Variants in AGR2 observed in about 807,000 individuals in gnomAD.
The protein encoded by AGR2 is anterior gradient protein 2 homolog.
Under a neutral mutation model 25.9 loss-of-function variants are expected in AGR2, and 27 were observed. The ratio of observed to expected loss-of-function variants is 1.04; its 90% CI spans 0.77 to 1.44. AGR2 has a LOEUF of 1.44. Among genes scored for constraint, AGR2 ranks in the 40% most tolerant of loss-of-function variants. The pLI is 0.00. For synonymous variants in AGR2, 78 were observed against 72.0 expected, an observed-to-expected ratio of 1.08 and a Z score of -0.42; for missense variants, 182 against 200.9, an observed-to-expected ratio of 0.91 and a Z score of 0.57.
At chr7:16,793,001 T>C (rs1279527448) in intron 7 of AGR2, 44 bp from the exon 8 acceptor site, 1 of 1,566,098 alleles carries the variant, frequency 6.4e-7, no homozygotes, top group Non-Finnish European at 8.8e-7. Flanking sequence ...CCATCGTGCG[T>C]TATATCGATA....
intron 6 of AGR2, among the ~76,000 whole-genome samples, chr7:16,796,134 C>G (rs925723712): frequency 2.0e-5 from 3 of 152,236 alleles, no homozygotes; most frequent in East Asian, 3.9e-4. Flanking sequence ...TGAGGTGTGG[C>G]CTGGGCAACT....
chr7:16,803,848 A>G (rs1162015645), intron 1 of AGR2, among the ~76,000 whole-genome samples: 2 of 152,242 alleles, frequency 1.3e-5, no homozygotes, highest in African/African-American at 4.8e-5. Flanking sequence ...TGGCTGGTTC[A>G]GAAACATATG....
At chr7:16,803,706 T>C (rs1406369154) in intron 1 of AGR2, among the ~76,000 whole-genome samples, 1 of 152,236 alleles carries the variant, frequency 6.6e-6, no homozygotes, top group Non-Finnish European at 1.5e-5. Context: ...TTTTGTCTTC[T>C]AGAGTTTTGC....
chr7:16,795,450 G>A (rs918941138), intron 6 of AGR2, among the ~76,000 whole-genome samples: 3 of 148,530 alleles, frequency 2.0e-5, no homozygotes, highest in Non-Finnish European at 3.0e-5. Flanking sequence ...TTTTCAAAAC[G>A]AGTTTTTTAA....
chr7:16,804,039 G>A (rs563764346), intron 1 of AGR2, among the ~76,000 whole-genome samples: 4 of 152,106 alleles, frequency 2.6e-5, no homozygotes, highest in African/African-American at 9.7e-5. Context: ...AAAGATCACA[G>A]GTTGGAACTA....
Position 16,792,743 on chromosome 7 carries a change from C to T in AGR2, c.*165G>A, listed in dbSNP as rs759351939. 1.5e-6 allele frequency: 1 copy of T among 669,254 alleles called. No homozygotes were observed. Among genetic ancestry groups the T allele is most frequent in the Non-Finnish European group, 2.6e-6 (1 of 384,984 alleles). 41.5% of individuals were successfully genotyped at this position (669,254 alleles called of 1,614,324 possible). On this transcript the variant is annotated 3_prime_UTR_variant, in exon 8 of 8. Coordinates refer to ENST00000419304, the MANE Select transcript of AGR2 (RefSeq NM_006408.4). ...TGTTTTCACACATGTACACTTGAAA[C>T]CAAATTTCTAAAACTTGTTTTTCTT...
intron 5 of AGR2, 64 bp downstream of exon 5, chr7:16,799,680 T>C: frequency 8.2e-7 from 1 of 1,215,266 alleles, no homozygotes; most frequent in Middle Eastern, 2.0e-4. Context: ...ATAGGAAAAA[T>C]GAATCATCCA....
intron 4 of AGR2, among the ~76,000 whole-genome samples, chr7:16,800,067 G>A (rs1785115663): frequency 6.6e-6 from 1 of 152,142 alleles, no homozygotes; most frequent in Non-Finnish European, 1.5e-5. Context: ...TTGAATGGCT[G>A]CCATGTGTTA....
chr7:16,793,328 C>T (rs780426057), intron 7 of AGR2, among the ~76,000 whole-genome samples: 9 of 152,116 alleles, frequency 5.9e-5, no homozygotes, highest in South Asian at 2.1e-4. Context: ...GGATTACAGG[C>T]GTGAGCCACT....
chr7:16,799,073 A>G (rs1418760111), intron 5 of AGR2, among the ~76,000 whole-genome samples: 1 of 152,186 alleles, frequency 6.6e-6, no homozygotes, highest in African/African-American at 2.4e-5. Context: ...GAGATTCATC[A>G]TGTCACTCAC....
Position 16,801,648 on chromosome 7 carries a change from T to G in AGR2, c.139+10A>C, listed in dbSNP as rs1224011321. 6 of 1,613,934 alleles carry G rather than the reference T, an allele frequency of 3.7e-6. No homozygotes were observed. Among genetic ancestry groups the G allele is most frequent in the Non-Finnish European group, 5.1e-6 (6 of 1,179,968 alleles). ...TAGCAGTTGGAAGCCAACAAGAAGC[T>G]GACTCCTACCTCTGGAGAGGGTCTG... On this transcript the variant is annotated intron_variant, in intron 2 of 7. Transcript: ENST00000419304.
At chr7:16,795,727 C>A (rs28626646) in intron 6 of AGR2, among the ~76,000 whole-genome samples, 10,810 of 152,188 alleles carry the variant, frequency 0.071, 553 homozygotes, top group African/African-American at 0.15. Context: ...ACAGAGAGAT[C>A]TGGAAACCTT....
At chr7:16,794,824 G>A (rs1785016710) in intron 7 of AGR2, 112 bp downstream of exon 7, 1 of 1,567,252 alleles carries the variant, frequency 6.4e-7, no homozygotes, top group African/African-American at 1.4e-5. Flanking sequence ...TGAGTCCGAG[G>A]CGTCCCTAAG....
chr7:16,799,916 G>T, intron 4 of AGR2, 99 bp from the exon 5 acceptor site: 1 of 816,966 alleles, frequency 1.2e-6, no homozygotes, highest in Non-Finnish European at 1.9e-6. Context: ...TTATTGAATT[G>T]CATTTTAAAT....
intron 6 of AGR2, among the ~76,000 whole-genome samples, chr7:16,797,127 C>T (rs1407610591): frequency 6.6e-6 from 1 of 151,938 alleles, no homozygotes; most frequent in African/African-American, 2.4e-5. Flanking sequence ...GGGGTTTCAC[C>T]TTGTTGGCCA....
intron 4 of AGR2, among the ~76,000 whole-genome samples, chr7:16,800,689 G>A (rs1583809049): frequency 6.6e-6 from 1 of 152,158 alleles, no homozygotes; most frequent in African/African-American, 2.4e-5. Context: ...GAGGCAATAG[G>A]AAGTGGTTGG....
intron 5 of AGR2, among the ~76,000 whole-genome samples, chr7:16,798,490 A>T (rs2115356194): frequency 6.6e-6 from 1 of 152,248 alleles, no homozygotes; most frequent in South Asian, 2.1e-4. Flanking sequence ...ATGACTTTGC[A>T]CACCATGCCA....
chr7:16,799,783 GATTTCTTT>G lies in AGR2; in HGVS notation c.283_290del (p.Lys95ProfsTer15). The G allele has an allele frequency of 6.2e-7, 1 of 1,613,240 alleles. No homozygotes were observed. Among genetic ancestry groups the G allele is most frequent in the Non-Finnish European group, 8.5e-7 (1 of 1,179,568 alleles). On this transcript the variant is annotated frameshift_variant, in exon 5 of 8. Coordinates refer to ENST00000419304, the MANE Select transcript of AGR2 (RefSeq NM_006408.4). LOFTEE classifies it high-confidence loss of function. ...GGACAAACTGCTCTGCCAATTTCTG[GATTTCTTT>G]ATTTTCAGCAAACACTTTCTTTAAA...
intron 6 of AGR2, among the ~76,000 whole-genome samples, chr7:16,795,916 T>C (rs1261999322): frequency 6.6e-6 from 1 of 152,228 alleles, no homozygotes. Flanking sequence ...CAGATGTACA[T>C]TTATTCACCA....
Sources: allele counts gnomAD v4.1 joint callset (sites outside exome capture counted in the v4.1 genomes callset), GRCh38; gene constraint gnomAD v4.1.1; transcripts MANE v1.5; gene names NCBI Gene and HGNC (gene_info 2026-07-23, HGNC 2026-07-21).